The following MACROD2 variants were observed in gnomAD, a reference collection of about 807,000 sequenced individuals.
MACROD2 encodes the protein ADP-ribose glycohydrolase MACROD2.
Under a neutral mutation model 70.4 loss-of-function variants are expected in MACROD2, and 36 were observed. That is an observed-to-expected ratio of 0.51 (90% CI 0.39 to 0.68). MACROD2 has a LOEUF of 0.68. Among genes scored for constraint, MACROD2 ranks in the 30% least tolerant of loss-of-function variants. MACROD2 has a pLI of 0.00. For synonymous variants in MACROD2, 172 were observed against 178.8 expected (o/e 0.96, Z 0.30); for missense variants, 496 against 538.4 (o/e 0.92, Z 0.78).
At chr20:15,094,131 T>A (rs2075811764) in intron 5 of MACROD2, among the ~76,000 whole-genome samples, 1 of 152,230 alleles carries the variant, frequency 6.6e-6, no homozygotes, top group South Asian at 2.1e-4. Flanking sequence ...TCACTTCCTT[T>A]AGACTTTAAC....
At position 15,431,538 on chromosome 20, in the gene MACROD2, T is replaced by C. The variant is rs1406516264; in HGVS notation, c.571+103T>C. On this transcript the variant is annotated intron_variant, in intron 7 of 17. Coordinates refer to ENST00000684519, the MANE Select transcript of MACROD2 (RefSeq NM_001351661.2). ...AGGTTCTCTGATGAATATATTTTGCTGTGATTTAGAGACTAAAAATGCTCG... is the reference window on the plus strand; with the variant it reads ...AGGTTCTCTGATGAATATATTTTGCCGTGATTTAGAGACTAAAAATGCTCG... 3.6e-6 allele frequency: 4 copies of C among 1,124,786 alleles called. No homozygotes were observed. In the African/African-American group the frequency reaches 4.6e-5, roughly 13 times the overall value. The allele number at this position is 1,124,786 out of a possible 1,614,324, so 69.7% of individuals were successfully genotyped here. A position where few individuals can be genotyped will look rare whatever the true frequency, so the allele number is the denominator to read the frequency against.
At chr20:15,598,020 A>G in intron 8 of MACROD2, among the ~76,000 whole-genome samples, 1 of 60,238 alleles carries the variant, frequency 1.7e-5, no homozygotes, top group African/African-American at 8.2e-5. Flanking sequence ...CAGAGGTTGC[A>G]GTGAGCCAAG....
In MACROD2 at chr20:14,110,084, A is replaced by G. The variant is rs531733891; in HGVS notation, c.271+24356A>G. On this transcript the variant is annotated intron_variant, in intron 3 of 17. Transcript: ENST00000684519. The stretch of plus-strand genomic sequence containing the variant: ...AGGATGGTTCAACACATGCAAATCA[A>G]TCAGTGTGATGCATTATATCTATGG... Among the ~76,000 whole-genome samples, 261 of 152,138 alleles carry G rather than the reference A, an allele frequency of 1.7e-3. 2 individuals carry two copies. The highest frequency in any genetic ancestry group is 4.1e-3 in the South Asian group (20 of 4,828).
intron 3 of MACROD2, among the ~76,000 whole-genome samples, chr20:14,203,524 A>C (rs1375988633): frequency 3.3e-5 from 5 of 152,026 alleles, no homozygotes; most frequent in Admixed American, 1.3e-4. Flanking sequence ...TTCCAATTTC[A>C]TGGATTGGCC....
At chr20:15,011,266 C>T (rs554744365) in intron 5 of MACROD2, among the ~76,000 whole-genome samples, 1 of 152,018 alleles carries the variant, frequency 6.6e-6, no homozygotes, top group South Asian at 2.1e-4. Flanking sequence ...CAATGGATTT[C>T]CTCTGTGGTG....
chr20:15,534,618 A>C (rs1361189264), intron 8 of MACROD2, among the ~76,000 whole-genome samples: 1 of 152,198 alleles, frequency 6.6e-6, no homozygotes, highest in African/African-American at 2.4e-5. Context: ...GGTAGATATG[A>C]AGGTTGATAG....
At chr20:16,019,429 A>G (rs967333731) in intron 15 of MACROD2, among the ~76,000 whole-genome samples, 1 of 152,164 alleles carries the variant, frequency 6.6e-6, no homozygotes, top group Non-Finnish European at 1.5e-5. Flanking sequence ...AAGGAGGAGT[A>G]CAGTCAAGCA....
At position 14,072,934 on chromosome 20, in the gene MACROD2, G is replaced by GAA. The variant is rs201463181; in HGVS notation, c.164-12674_164-12673dup. ...GGGCGACAGAGCGAGACTCCGTCTA[G>GAA]AAAAAAAAAAAAAAGCATATAGATC... On this transcript the variant is annotated intron_variant, in intron 2 of 17. Coordinates refer to ENST00000684519, the MANE Select transcript of MACROD2 (RefSeq NM_001351661.2). 6.8e-4 allele frequency among the ~76,000 whole-genome samples: 80 copies of GAA among 118,082 alleles called. 1 individual carries two copies. The highest frequency in any genetic ancestry group is 9.8e-4 in the Non-Finnish European group (55 of 56,192). 77.5% of individuals were successfully genotyped at this position (118,082 alleles called of 152,430 possible).
intron 3 of MACROD2, among the ~76,000 whole-genome samples, chr20:14,227,743 G>T (rs537118041): frequency 6.6e-6 from 1 of 152,286 alleles, no homozygotes; most frequent in African/African-American, 2.4e-5. Flanking sequence ...GGGTCTGCTG[G>T]GCTGAGCCTT....
chr20:15,563,395 C>T (rs2048270505), intron 8 of MACROD2, among the ~76,000 whole-genome samples: 1 of 152,152 alleles, frequency 6.6e-6, no homozygotes, highest in East Asian at 1.9e-4. Context: ...GATGAATATG[C>T]CTAGTTCCTG....
intron 5 of MACROD2, among the ~76,000 whole-genome samples, chr20:14,816,229 A>G (rs1265989093): frequency 6.6e-6 from 1 of 152,084 alleles, no homozygotes; most frequent in Non-Finnish European, 1.5e-5. Flanking sequence ...AAGCGAAAAA[A>G]TAAACAGATG....
At chr20:14,227,770 T>C (rs902622005) in intron 3 of MACROD2, among the ~76,000 whole-genome samples, 3 of 152,244 alleles carry the variant, frequency 2.0e-5, no homozygotes, top group Admixed American at 6.5e-5. Context: ...TTCCCTTTGC[T>C]TTTAGAAATT....
chr20:14,933,547 T>G (rs2074314733), intron 5 of MACROD2, among the ~76,000 whole-genome samples: 1 of 151,860 alleles, frequency 6.6e-6, no homozygotes, highest in Admixed American at 6.6e-5. Context: ...GGAAGATCGC[T>G]TGAGGCCAGG....
intron 5 of MACROD2, among the ~76,000 whole-genome samples, chr20:15,165,565 C>T (rs1342243917): frequency 6.6e-6 from 1 of 152,214 alleles, no homozygotes; most frequent in Non-Finnish European, 1.5e-5. Context: ...ATTATTGTAT[C>T]TGGTTTTGTA....
intron 13 of MACROD2, among the ~76,000 whole-genome samples, chr20:15,983,059 GC>G (rs1433561937): frequency 6.6e-6 from 1 of 152,204 alleles, no homozygotes; most frequent in Non-Finnish European, 1.5e-5. Flanking sequence ...CAGGGCTGGG[GC>G]CAACATGAGT....
At chr20:15,596,167 A>G (rs1376400297) in intron 8 of MACROD2, among the ~76,000 whole-genome samples, 1 of 152,188 alleles carries the variant, frequency 6.6e-6, no homozygotes, top group East Asian at 1.9e-4. Context: ...AGGTAGTCAT[A>G]ATTGCCTAAA....
At chr20:15,062,006 G>T (rs2075536427) in intron 5 of MACROD2, among the ~76,000 whole-genome samples, 1 of 152,186 alleles carries the variant, frequency 6.6e-6, no homozygotes, top group South Asian at 2.1e-4. Context: ...AGAGCAGGCA[G>T]CTTGTTGCTC....
intron 5 of MACROD2, among the ~76,000 whole-genome samples, chr20:15,128,448 T>C (rs1296850316): frequency 1.3e-5 from 2 of 152,070 alleles, no homozygotes; most frequent in Admixed American, 6.6e-5. Context: ...TTGTATGAGT[T>C]CTTTAGTATT....
intron 5 of MACROD2, among the ~76,000 whole-genome samples, chr20:15,215,933 A>T (rs567728607): frequency 6.6e-6 from 1 of 152,258 alleles, no homozygotes; most frequent in East Asian, 1.9e-4. Flanking sequence ...TTGAGAGAAA[A>T]TCAAAGGAAA....
Sources: gnomAD v4.1 joint callset for allele counts (sites outside exome capture counted in the v4.1 genomes callset) on GRCh38, gnomAD v4.1.1 for gene constraint, MANE v1.5 for transcripts, NCBI Gene and HGNC (gene_info 2026-07-23, HGNC 2026-07-21) for gene names.